Variants in DLC1 observed in about 807,000 individuals in gnomAD.
The protein encoded by DLC1 is rho GTPase-activating protein 7.
A neutral mutation model predicts 140.3 loss-of-function variants in DLC1; 54 were observed. That is an observed-to-expected ratio of 0.38 (90% CI 0.31 to 0.48). DLC1 has a LOEUF of 0.48. DLC1 is among the 20% of genes least tolerant of loss of function. The probability of loss-of-function intolerance (pLI) is 0.96; values close to 1 mark genes in which losing one functional copy is unlikely to be tolerated. For missense variants in DLC1, 2,536 were observed against 1,907.0 expected (o/e 1.33, Z -6.14); for synonymous variants, 986 against 728.1 (o/e 1.35, Z -5.70).
intron 1 of DLC1, among the ~76,000 whole-genome samples, chr8:13,506,642 C>A (rs1055951277): frequency 5.4e-5 from 8 of 148,542 alleles, no homozygotes; most frequent in African/African-American, 5.0e-5. Context: ...GACACATGCA[C>A]CCAAATATAT....
chr8:13,254,083 G>C (rs1367721441), intron 5 of DLC1, among the ~76,000 whole-genome samples: 1 of 151,912 alleles, frequency 6.6e-6, no homozygotes, highest in South Asian at 2.1e-4. Context: ...ACCTGCTTTA[G>C]GGTTATAGGT....
intron 4 of DLC1, among the ~76,000 whole-genome samples, chr8:13,384,732 C>G (rs1438555072): frequency 6.6e-6 from 1 of 152,106 alleles, no homozygotes; most frequent in Non-Finnish European, 1.5e-5. Flanking sequence ...TTGAGTTGCT[C>G]TAATCTGGTG....
rs772280518 is a variant in DLC1, at chr8:13,099,639, C to T, written c.2698G>A (p.Glu900Lys). ...TCGTCCAGCTCGGGGAAGATGTCCT[C>T]GTTCTCCAGATCCGCCAGGTCCCCT... ...SSGDLADLEN[E>K]DIFPELDDIL... The change falls in exon 9 of 18, where the codon GAG (glutamate) becomes AAG (lysine). Residue 900 changes from glutamate to lysine, a missense_variant. Transcript: ENST00000276297. 7.4e-6 allele frequency: 12 copies of T among 1,614,092 alleles called. No homozygotes were observed. The highest frequency in any genetic ancestry group is 3.3e-5 in the Admixed American group (2 of 60,004).
chr8:13,521,266 G>C (rs915980246), intron 1 of DLC1, among the ~76,000 whole-genome samples: 1 of 152,006 alleles, frequency 6.6e-6, no homozygotes, highest in Non-Finnish European at 1.5e-5. Flanking sequence ...GCTTGGGGAG[G>C]GAGAGCATCA....
intron 16 of DLC1, among the ~76,000 whole-genome samples, chr8:13,087,332 G>A (rs989940811): frequency 2.0e-5 from 3 of 152,212 alleles, no homozygotes; most frequent in African/African-American, 7.2e-5. Flanking sequence ...AGCCTGGGAG[G>A]TGAAGGCTTC....
At chr8:13,544,193 C>T (rs1803578618) in intron 1 of DLC1, among the ~76,000 whole-genome samples, 1 of 129,618 alleles carries the variant, frequency 7.7e-6, no homozygotes, top group Non-Finnish European at 1.7e-5. Flanking sequence ...CTTACACACA[C>T]ACAAACACAC....
At chr8:13,524,993 C>T (rs780012195) in intron 1 of DLC1, among the ~76,000 whole-genome samples, 1 of 151,902 alleles carries the variant, frequency 6.6e-6, no homozygotes, top group East Asian at 1.9e-4. Context: ...CTCCCTCTTG[C>T]TCCTTTCTCC....
chr8:13,325,855 T>C (rs1396816925), intron 4 of DLC1, among the ~76,000 whole-genome samples: 2 of 152,148 alleles, frequency 1.3e-5, no homozygotes, highest in African/African-American at 4.8e-5. Context: ...TCATCCAATA[T>C]GTAATAAAGA....
intron 5 of DLC1, among the ~76,000 whole-genome samples, chr8:13,145,459 AG>A (rs1343590485): frequency 2.6e-5 from 4 of 152,236 alleles, no homozygotes; most frequent in African/African-American, 7.2e-5. Flanking sequence ...CAACTTCTTA[AG>A]AAAAATTTTA....
chr8:13,095,076 G>T lies in DLC1; in HGVS notation c.3327+10C>A, dbSNP rs778555227. ...CCCTGAGTACGTGGACCCGCAGGCA[G>T]CGCTCTCACCTGATCCAAACAATGG... On this transcript the variant is annotated intron_variant, in intron 11 of 17. Transcript: ENST00000276297. The T allele has an allele frequency of 2.5e-6, 4 of 1,614,082 alleles. No homozygotes were observed. In the South Asian group the frequency reaches 4.4e-5, roughly 18 times the overall value.
chr8:13,120,356 A>AAAAAAAAATATATATATAT, intron 5 of DLC1, among the ~76,000 whole-genome samples: 176 of 61,096 alleles, frequency 2.9e-3, no homozygotes, highest in East Asian at 5.1e-3. Context: ...AAAAAAAAAA[A>AAAAAAAAATATATATATAT]ATATATATAT....
intron 2 of DLC1, among the ~76,000 whole-genome samples, chr8:13,434,331 G>A (rs1194905379): frequency 6.6e-6 from 1 of 152,202 alleles, no homozygotes; most frequent in Non-Finnish European, 1.5e-5. Context: ...TATAACCCAA[G>A]ATGTCACTGC....
chr8:13,540,823 G>A (rs187170951), intron 1 of DLC1, among the ~76,000 whole-genome samples: 1 of 152,154 alleles, frequency 6.6e-6, no homozygotes, highest in African/African-American at 2.4e-5. Context: ...TGAATGTCAG[G>A]ATGGACATGG....
intron 4 of DLC1, among the ~76,000 whole-genome samples, chr8:13,381,897 A>G (rs907542744): frequency 6.6e-6 from 1 of 152,202 alleles, no homozygotes; most frequent in African/African-American, 2.4e-5. Context: ...CTGACAAAAT[A>G]TGATGGAGAC....
At chr8:13,312,620 A>G (rs2117556338) in intron 4 of DLC1, among the ~76,000 whole-genome samples, 2 of 152,118 alleles carry the variant, frequency 1.3e-5, no homozygotes, top group Middle Eastern at 3.4e-3. Context: ...GTTTATTCCA[A>G]TTGAACATTG....
chr8:13,118,488 C>T (rs1315465657), intron 5 of DLC1, among the ~76,000 whole-genome samples: 1 of 152,004 alleles, frequency 6.6e-6, no homozygotes, highest in African/African-American at 2.4e-5. Context: ...ACTATTTTAC[C>T]AACACAAAGA....
intron 1 of DLC1, chr8:13,566,742 C>G (rs924858973): frequency 1.0e-5 from 5 of 496,638 alleles, no homozygotes; most frequent in African/African-American, 5.9e-5. Context: ...ATCGCCAACC[C>G]GGCGCAAGCA....
intron 7 of DLC1, among the ~76,000 whole-genome samples, chr8:13,109,049 T>A (rs1819832273): frequency 6.6e-6 from 1 of 152,170 alleles, no homozygotes; most frequent in Non-Finnish European, 1.5e-5. Context: ...GACTGTTTGT[T>A]TTTTCCTCTC....
At chr8:13,411,467 A>T (rs1837777204) in intron 2 of DLC1, among the ~76,000 whole-genome samples, 1 of 152,306 alleles carries the variant, frequency 6.6e-6, no homozygotes, top group East Asian at 1.9e-4. Context: ...ATATTATTAG[A>T]CACCTGTCAT....
Sources: gnomAD v4.1 joint callset for allele counts (sites outside exome capture counted in the v4.1 genomes callset) on GRCh38, gnomAD v4.1.1 for gene constraint, MANE v1.5 for transcripts, NCBI Gene and HGNC (gene_info 2026-07-23, HGNC 2026-07-21) for gene names.